CA10: variants seen among roughly 807,000 people sequenced by gnomAD.
CA10 encodes the protein carbonic anhydrase 10 (inactive).
In CA10, 14 loss-of-function variants were observed where a neutral mutation model predicts 44.2. The ratio of observed to expected loss-of-function variants is 0.32; its 90% CI spans 0.21 to 0.50. The LOEUF (loss-of-function observed/expected upper bound fraction) is 0.50. Ranked by LOEUF, CA10 falls within the 20% of genes least tolerant of loss-of-function variation. The pLI is 0.99. For synonymous variants in CA10, 159 were observed against 141.6 expected (o/e 1.12, Z -0.87); for missense variants, 350 against 409.7 (o/e 0.85, Z 1.26).
chr17:51,786,206 T>TTGTG (rs775761105), intron 3 of CA10, among the ~76,000 whole-genome samples: 14,666 of 123,706 alleles, frequency 0.12, 870 homozygotes, highest in East Asian at 0.25. Context: ...TCTAACATCT[T>TTGTG]TGTGTGTCTG....
chr17:51,643,669 G>C (rs137884816), intron 6 of CA10, among the ~76,000 whole-genome samples: 27 of 152,292 alleles, frequency 1.8e-4, no homozygotes, highest in African/African-American at 6.5e-4. Context: ...TTTAAAACAA[G>C]CAAATTCTGT....
At chr17:51,633,136 AG>A (rs1277092860) in intron 8 of CA10, among the ~76,000 whole-genome samples, 1 of 152,106 alleles carries the variant, frequency 6.6e-6, no homozygotes, top group Non-Finnish European at 1.5e-5. Flanking sequence ...CCTGATCTAC[AG>A]GGGTTTTAAA....
chr17:51,666,140 T>G (rs1401659575), intron 4 of CA10, among the ~76,000 whole-genome samples: 3 of 152,242 alleles, frequency 2.0e-5, no homozygotes, highest in African/African-American at 7.2e-5. Context: ...CCCGTATGTG[T>G]TTCCCATGTG....
intron 3 of CA10, among the ~76,000 whole-genome samples, chr17:51,834,547 A>G (rs1015578823): frequency 6.6e-6 from 1 of 152,214 alleles, no homozygotes; most frequent in Non-Finnish European, 1.5e-5. Flanking sequence ...AGGTTCAGAG[A>G]TGCCAGCAGA....
At chr17:51,943,816 C>T (rs1023054780) in intron 2 of CA10, among the ~76,000 whole-genome samples, 1 of 152,138 alleles carries the variant, frequency 6.6e-6, no homozygotes, top group African/African-American at 2.4e-5. Flanking sequence ...GCAGGTTTTT[C>T]TCAGCTTTAC....
At chr17:51,811,521 T>C (rs1167154464) in intron 3 of CA10, among the ~76,000 whole-genome samples, 1 of 152,172 alleles carries the variant, frequency 6.6e-6, no homozygotes, top group African/African-American at 2.4e-5. Flanking sequence ...CACCTATGAG[T>C]GAGAACATGT....
At chr17:51,636,194 A>C (rs1912821085) in intron 6 of CA10, among the ~76,000 whole-genome samples, 185 bp from the exon 7 acceptor site, 1 of 152,182 alleles carries the variant, frequency 6.6e-6, no homozygotes, top group Non-Finnish European at 1.5e-5. Context: ...AGTAACAAGC[A>C]GTTGTCCCCC....
chr17:51,856,865 T>C (rs772074618), intron 3 of CA10, among the ~76,000 whole-genome samples: 2 of 152,146 alleles, frequency 1.3e-5, no homozygotes, highest in Non-Finnish European at 2.9e-5. Flanking sequence ...GTTCTACATG[T>C]AGAGAAAGAA....
intron 4 of CA10, among the ~76,000 whole-genome samples, chr17:51,679,732 C>A (rs28642792): frequency 0.02 from 3,107 of 152,096 alleles, 106 homozygotes; most frequent in African/African-American, 0.071. Context: ...AGCCTGTGTT[C>A]CTGGTCTGAG....
At chr17:52,005,667 G>A (rs943884689) in intron 2 of CA10, among the ~76,000 whole-genome samples, 2 of 151,926 alleles carry the variant, frequency 1.3e-5, no homozygotes, top group African/African-American at 4.8e-5. Context: ...GGAGCTATTG[G>A]GGTTTTGTCT....
chr17:52,143,629 T>A (rs975093333), intron 1 of CA10, among the ~76,000 whole-genome samples: 1 of 152,204 alleles, frequency 6.6e-6, no homozygotes, highest in African/African-American at 2.4e-5. Context: ...TTAAAGCTAC[T>A]GGATCTCATT....
At chr17:51,781,267 T>C (rs915795227) in intron 3 of CA10, among the ~76,000 whole-genome samples, 4 of 152,240 alleles carry the variant, frequency 2.6e-5, no homozygotes, top group Non-Finnish European at 5.9e-5. Flanking sequence ...GATATTATTA[T>C]AATATCTGAG....
At chr17:51,684,359 A>G (rs1597984088) in intron 4 of CA10, among the ~76,000 whole-genome samples, 3 of 152,216 alleles carry the variant, frequency 2.0e-5, no homozygotes, top group South Asian at 4.1e-4. Flanking sequence ...GTTTTGAGCC[A>G]CTACGTTTGT....
chr17:51,928,899 T>TA (rs1660594479), intron 3 of CA10, among the ~76,000 whole-genome samples: 1 of 152,180 alleles, frequency 6.6e-6, no homozygotes, highest in Non-Finnish European at 1.5e-5. Context: ...CGACCAACTA[T>TA]ATTTTATTTT....
intron 3 of CA10, among the ~76,000 whole-genome samples, chr17:51,841,935 T>C (rs1337144467): frequency 2.0e-5 from 3 of 152,224 alleles, no homozygotes; most frequent in African/African-American, 4.8e-5. Flanking sequence ...GAGAAGGGGC[T>C]GTCTTTTCCT....
chr17:52,112,525 T>A (rs1416607950), intron 1 of CA10, among the ~76,000 whole-genome samples: 1 of 152,240 alleles, frequency 6.6e-6, no homozygotes, highest in Non-Finnish European at 1.5e-5. Flanking sequence ...AAATGTTTGC[T>A]GACTCTTGCT....
chr17:51,861,401 G>GA (rs985295300), intron 3 of CA10, among the ~76,000 whole-genome samples: 27 of 151,998 alleles, frequency 1.8e-4, no homozygotes, highest in Non-Finnish European at 3.1e-4. Flanking sequence ...GAGAGAGAGA[G>GA]AAAAAAGATG....
chr17:52,002,198 AT>A (rs1463714199), intron 2 of CA10, among the ~76,000 whole-genome samples: 1 of 152,010 alleles, frequency 6.6e-6, no homozygotes, highest in Non-Finnish European at 1.5e-5. Flanking sequence ...AACTTAAAGT[AT>A]AATTTAAAAA....
intron 2 of CA10, among the ~76,000 whole-genome samples, chr17:51,995,613 G>A (rs1985207148): frequency 6.6e-6 from 1 of 152,010 alleles, no homozygotes; most frequent in South Asian, 2.1e-4. Context: ...ACAAAAAGAG[G>A]ATGTAAACAG....
Sources: gnomAD v4.1 joint callset for allele counts (sites outside exome capture counted in the v4.1 genomes callset) on GRCh38, gnomAD v4.1.1 for gene constraint, MANE v1.5 for transcripts, NCBI Gene and HGNC (gene_info 2026-07-23, HGNC 2026-07-21) for gene names.